The following NXPH2 variants were observed in gnomAD, a reference collection of about 807,000 sequenced individuals.
The protein encoded by NXPH2 is neurexophilin-2.
NXPH2 carries 5 observed loss-of-function variants against 19.8 expected under a neutral mutation model. The ratio of observed to expected loss-of-function variants is 0.25; its 90% CI spans 0.13 to 0.53. The LOEUF is 0.53. NXPH2 is among the 20% of genes least tolerant of loss of function. The pLI is 0.96. For missense variants in NXPH2, 289 were observed against 322.8 expected, an observed-to-expected ratio of 0.90 and a Z score of 0.80; for synonymous variants, 154 against 127.4, an observed-to-expected ratio of 1.21 and a Z score of -1.41.
chr2:138,750,106 A>G (rs75617893), intron 1 of NXPH2, among the ~76,000 whole-genome samples: 6,494 of 152,300 alleles, frequency 0.043, 160 homozygotes, highest in African/African-American at 0.06. Flanking sequence ...GATGATGTTC[A>G]GGGTGACAGG....
Position 138,701,239 on chromosome 2 carries a change from G to T in NXPH2, c.52-29574C>A, listed in dbSNP as rs190610571. Among the ~76,000 whole-genome samples, 13 of 152,262 alleles carry T rather than the reference G, an allele frequency of 8.5e-5. No individual in the cohort carries two copies. In the East Asian group the frequency reaches 2.5e-3, roughly 29 times the overall value. The stretch of plus-strand genomic sequence containing the variant: ...GGTTATACCTTGTTTTACGATAAAG[G>T]TCAAGAATATCTTTAGCCTGGTGTG... On this transcript the variant is annotated intron_variant, in intron 1 of 1. Coordinates refer to ENST00000272641, the MANE Select transcript of NXPH2 (RefSeq NM_007226.3).
chr2:138,674,033 G>T (rs1680450918), intron 1 of NXPH2, among the ~76,000 whole-genome samples: 1 of 152,060 alleles, frequency 6.6e-6, no homozygotes, highest in Non-Finnish European at 1.5e-5. Context: ...CACCCAGGCT[G>T]GAGGCATAAT....
intron 1 of NXPH2, among the ~76,000 whole-genome samples, chr2:138,734,922 C>A (rs1681515731): frequency 6.6e-6 from 1 of 152,110 alleles, no homozygotes; most frequent in Non-Finnish European, 1.5e-5. Context: ...AGATACAAAT[C>A]AGAAAACTGG....
intron 1 of NXPH2, among the ~76,000 whole-genome samples, chr2:138,734,145 T>C (rs911412383): frequency 4.6e-5 from 7 of 152,120 alleles, no homozygotes; most frequent in Non-Finnish European, 7.4e-5. Flanking sequence ...CTCAGGAGGT[T>C]GAGGCAGGAG....
intron 1 of NXPH2, among the ~76,000 whole-genome samples, chr2:138,677,647 A>G (rs950726850): frequency 1.3e-5 from 2 of 152,182 alleles, no homozygotes; most frequent in Non-Finnish European, 2.9e-5. Flanking sequence ...TGATAATTAA[A>G]TGCATTTTTT....
intron 1 of NXPH2, among the ~76,000 whole-genome samples, chr2:138,778,201 C>G (rs961829033): frequency 8.5e-5 from 13 of 152,230 alleles, no homozygotes; most frequent in Admixed American, 2.0e-4. Flanking sequence ...TTTTATTGTC[C>G]GAAGGGATGG....
At chr2:138,711,072 A>G (rs1681098411) in intron 1 of NXPH2, among the ~76,000 whole-genome samples, 1 of 151,852 alleles carries the variant, frequency 6.6e-6, no homozygotes, top group African/African-American at 2.4e-5. Flanking sequence ...ATTCTATTTA[A>G]AAATCTCACC....
In NXPH2 at chr2:138,734,057, C is replaced by A. The variant is rs118035160; in HGVS notation, c.51+46134G>T. Reference sequence around the variant, plus strand: ...GTCAGTAGTTCAAGACCTGTCTGGCCAATATGGTGAAAGCCCATCTCTACT... The same window carrying A: ...GTCAGTAGTTCAAGACCTGTCTGGCAAATATGGTGAAAGCCCATCTCTACT... On this transcript the variant is annotated intron_variant, in intron 1 of 1. Transcript: ENST00000272641. Among the ~76,000 whole-genome samples, 175 of 152,160 alleles carry A rather than the reference C, an allele frequency of 1.2e-3. 4 individuals carry two copies. In the East Asian group the frequency reaches 0.032, roughly 28 times the overall value.
chr2:138,737,916 CT>C (rs74363159), intron 1 of NXPH2, among the ~76,000 whole-genome samples: 5,321 of 144,712 alleles, frequency 0.037, 289 homozygotes, highest in African/African-American at 0.12. Flanking sequence ...CCTTCATTTT[CT>C]TTTTTTTTTT....
At chr2:138,745,499 G>C (rs1013949754) in intron 1 of NXPH2, among the ~76,000 whole-genome samples, 10 of 148,932 alleles carry the variant, frequency 6.7e-5, no homozygotes, top group African/African-American at 1.3e-4. Flanking sequence ...TTGGCGGGGG[G>C]GGGGGGGTGT....
At chr2:138,707,056 G>A (rs1681026684) in intron 1 of NXPH2, among the ~76,000 whole-genome samples, 1 of 111,752 alleles carries the variant, frequency 8.9e-6, no homozygotes, top group South Asian at 3.2e-4. Context: ...GAAAGATTTA[G>A]ATTGATTGGA....
chr2:138,738,454 T>C (rs1490204498), intron 1 of NXPH2, among the ~76,000 whole-genome samples: 1 of 152,190 alleles, frequency 6.6e-6, no homozygotes, highest in Non-Finnish European at 1.5e-5. Context: ...AATCTTTATC[T>C]AGCCTTTAGA....
intron 1 of NXPH2, among the ~76,000 whole-genome samples, chr2:138,770,876 T>C (rs1682165448): frequency 6.6e-6 from 1 of 152,016 alleles, no homozygotes; most frequent in African/African-American, 2.4e-5. Flanking sequence ...GAAATACAAA[T>C]GGTTATTAAA....
intron 1 of NXPH2, among the ~76,000 whole-genome samples, chr2:138,760,484 G>A (rs1451128563): frequency 1.3e-5 from 2 of 152,196 alleles, no homozygotes; most frequent in African/African-American, 4.8e-5. Context: ...GGAGGTCCCT[G>A]CTTTGGAGCA....
chr2:138,687,471 T>C (rs1680678726), intron 1 of NXPH2, among the ~76,000 whole-genome samples: 1 of 152,210 alleles, frequency 6.6e-6, no homozygotes, highest in Non-Finnish European at 1.5e-5. Context: ...GATGAGTAGA[T>C]TGCAAAAATT....
Position 138,757,827 on chromosome 2 carries a change from ATCTATC to A in NXPH2, c.51+22358_51+22363del, listed in dbSNP as rs1573980231. 1.7e-4 allele frequency among the ~76,000 whole-genome samples: 22 copies of A among 131,890 alleles called. No individual in the cohort carries two copies. The East Asian group carries it at 4.3e-3, about 26-fold the overall frequency. 86.5% of individuals were successfully genotyped at this position (131,890 alleles called of 152,430 possible). A position where few individuals can be genotyped will look rare whatever the true frequency, so the allele number is the denominator to read the frequency against. The stretch of plus-strand genomic sequence containing the variant: ...TGTGTGTTTCTTTATCTATCTATCT[ATCTATC>A]TATCTATCTATCTATCTATCTATCT... On this transcript the variant is annotated intron_variant, in intron 1 of 1. Coordinates refer to ENST00000272641, the MANE Select transcript of NXPH2 (RefSeq NM_007226.3).
At chr2:138,768,135 T>C (rs1283431851) in intron 1 of NXPH2, among the ~76,000 whole-genome samples, 2 of 152,252 alleles carry the variant, frequency 1.3e-5, no homozygotes, top group Non-Finnish European at 2.9e-5. Context: ...AGAATACTAA[T>C]TGGGCATTTT....
At chr2:138,756,449 CTT>C (rs11400090) in intron 1 of NXPH2, among the ~76,000 whole-genome samples, 37 of 141,064 alleles carry the variant, frequency 2.6e-4, no homozygotes, top group Non-Finnish European at 2.5e-4. Context: ...AATTTTAGGA[CTT>C]TTTTTTTTTT....
chr2:138,680,359 C>T (rs1680554534), intron 1 of NXPH2, among the ~76,000 whole-genome samples: 2 of 152,172 alleles, frequency 1.3e-5, no homozygotes, highest in South Asian at 4.1e-4. Context: ...GAATACTGCA[C>T]CCCAGAGAAG....
Sources: allele counts gnomAD v4.1 joint callset (sites outside exome capture counted in the v4.1 genomes callset), GRCh38; gene constraint gnomAD v4.1.1; transcripts MANE v1.5; gene names NCBI Gene and HGNC (gene_info 2026-07-23, HGNC 2026-07-21).